Variants in SPRR2G observed in about 807,000 individuals in gnomAD.
SPRR2G encodes small proline-rich protein 2G.
SPRR2G carries 1 observed loss-of-function variant against 0.7 expected under a neutral mutation model. That is an observed-to-expected ratio of 1.49 (90% CI 0.53 to 7.06). The LOEUF is 7.06. Among genes scored for constraint, SPRR2G ranks in the 30% most tolerant of loss-of-function variants. SPRR2G has a pLI of 0.14. For synonymous variants in SPRR2G, 38 were observed against 33.9 expected (o/e 1.12, Z -0.42); for missense variants, 96 against 88.5 (o/e 1.09, Z -0.34).
the SPRR2G span, among the ~76,000 whole-genome samples, chr1:153,166,766 G>A: frequency 6.6e-6 from 1 of 152,154 alleles, no homozygotes; most frequent in African/African-American, 2.4e-5. Context: ...TCTAAGAAAA[G>A]AACAGTCCTA....
chr1:153,175,769 C>T, the SPRR2G span, among the ~76,000 whole-genome samples: 6 of 152,280 alleles, frequency 3.9e-5, no homozygotes, highest in South Asian at 1.2e-3. Flanking sequence ...CCTCACAGTT[C>T]CTAAGACATA....
chr1:153,175,960 G>A, the SPRR2G span, among the ~76,000 whole-genome samples: 1 of 152,140 alleles, frequency 6.6e-6, no homozygotes, highest in Non-Finnish European at 1.5e-5. Flanking sequence ...AGGAGGCTGA[G>A]ACTGGAGAAT....
At chr1:153,183,988 T>C in the SPRR2G span, among the ~76,000 whole-genome samples, 1 of 152,220 alleles carries the variant, frequency 6.6e-6, no homozygotes, top group Non-Finnish European at 1.5e-5. Context: ...TCCTTCCCCA[T>C]TGCTTGTTTT....
chr1:153,164,499 G>C, the SPRR2G span, among the ~76,000 whole-genome samples: 1 of 152,154 alleles, frequency 6.6e-6, no homozygotes. Flanking sequence ...AAAATAATTT[G>C]AGTACCAAAT....
At chr1:153,185,808 G>A in the SPRR2G span, among the ~76,000 whole-genome samples, 5 of 152,100 alleles carry the variant, frequency 3.3e-5, no homozygotes, top group South Asian at 4.2e-4. Context: ...ATCATGTTAG[G>A]GTGTCGATTT....
chr1:153,152,231 A>G (rs1319853122), upstream of SPRR2G, among the ~76,000 whole-genome samples: 1 of 152,218 alleles, frequency 6.6e-6, no homozygotes, highest in Non-Finnish European at 1.5e-5. Flanking sequence ...CAGATAATAA[A>G]GAATGGCATT....
chr1:153,164,572 C>A, the SPRR2G span, among the ~76,000 whole-genome samples: 1 of 152,142 alleles, frequency 6.6e-6, no homozygotes, highest in Non-Finnish European at 1.5e-5. Context: ...TACCAAAATC[C>A]ACAGATGCTC....
the SPRR2G span, among the ~76,000 whole-genome samples, chr1:153,156,447 A>G: frequency 6.6e-6 from 1 of 152,248 alleles, no homozygotes; most frequent in Non-Finnish European, 1.5e-5. Context: ...ATGGATTACA[A>G]AAGGAATTGT....
chr1:153,175,645 A>G, the SPRR2G span, among the ~76,000 whole-genome samples: 1 of 152,218 alleles, frequency 6.6e-6, no homozygotes, highest in East Asian at 1.9e-4. Flanking sequence ...TTCATGACAC[A>G]TGTAACCATT....
the SPRR2G span, among the ~76,000 whole-genome samples, chr1:153,158,015 A>G: frequency 6.6e-6 from 1 of 152,254 alleles, no homozygotes; most frequent in South Asian, 2.1e-4. Flanking sequence ...CCCTCCCTCA[A>G]CATGTGGGAT....
the SPRR2G span, among the ~76,000 whole-genome samples, chr1:153,165,985 A>G: frequency 1.3e-4 from 19 of 151,942 alleles, no homozygotes; most frequent in Non-Finnish European, 1.2e-4. Context: ...CTGACCGTAA[A>G]CTCCACAGGT....
At chr1:153,164,365 C>A in the SPRR2G span, among the ~76,000 whole-genome samples, 1 of 152,174 alleles carries the variant, frequency 6.6e-6, no homozygotes, top group Non-Finnish European at 1.5e-5. Context: ...TGTCCACCAG[C>A]AACTATTCCT....
At chr1:153,154,205 G>T (rs2101649634), upstream of SPRR2G, among the ~76,000 whole-genome samples, 1 of 151,598 alleles carries the variant, frequency 6.6e-6, no homozygotes, top group Non-Finnish European at 1.5e-5. Flanking sequence ...GCATCTCAGG[G>T]ATAAATCCCA....
the SPRR2G span, among the ~76,000 whole-genome samples, chr1:153,199,096 C>T: frequency 3.2e-3 from 490 of 152,244 alleles, 5 homozygotes; most frequent in African/African-American, 0.011. Context: ...ACATTCTTCC[C>T]CCTTTATATA....
At chr1:153,176,825 T>G in the SPRR2G span, among the ~76,000 whole-genome samples, 1 of 152,184 alleles carries the variant, frequency 6.6e-6, no homozygotes, top group East Asian at 1.9e-4. Context: ...AGTAAGATAA[T>G]TCAAGTATGT....
At chr1:153,202,259 C>G in the SPRR2G span, among the ~76,000 whole-genome samples, 2 of 152,198 alleles carry the variant, frequency 1.3e-5, no homozygotes, top group African/African-American at 2.4e-5. Flanking sequence ...CATGAGGTAG[C>G]ATGAAGAGAT....
the SPRR2G span, chr1:153,176,471 T>C: frequency 6.6e-6 from 1 of 152,202 alleles, no homozygotes; most frequent in Admixed American, 6.6e-5. Flanking sequence ...TAGATAAAAC[T>C]GGTCTGGAAC....
At chr1:153,198,605 A>T in the SPRR2G span, among the ~76,000 whole-genome samples, 1 of 152,082 alleles carries the variant, frequency 6.6e-6, no homozygotes, top group Non-Finnish European at 1.5e-5. Context: ...AGGAAGCAAG[A>T]GTCTGGGATG....
the SPRR2G span, among the ~76,000 whole-genome samples, chr1:153,195,362 A>C: frequency 6.6e-6 from 1 of 152,178 alleles, no homozygotes; most frequent in Admixed American, 6.5e-5. Flanking sequence ...TCCTCCAAGC[A>C]AGGATTGGAC....
Sources: allele counts gnomAD v4.1 joint callset (sites outside exome capture counted in the v4.1 genomes callset), GRCh38; gene constraint gnomAD v4.1.1; transcripts MANE v1.5; gene names NCBI Gene and HGNC (gene_info 2026-07-23, HGNC 2026-07-21).